ACTR8: variants seen among roughly 807,000 people sequenced by gnomAD.
The protein encoded by ACTR8 is actin-related protein 8.
ACTR8 carries 70 observed loss-of-function variants against 84.3 expected under a neutral mutation model. The ratio of observed to expected loss-of-function variants is 0.83; its 90% CI spans 0.68 to 1.01. The LOEUF (loss-of-function observed/expected upper bound fraction) is 1.01. Among genes scored for constraint, ACTR8 ranks in the 50% least tolerant of loss-of-function variants. The pLI, the probability that ACTR8 is intolerant of heterozygous loss-of-function variation, is 0.00. For synonymous variants in ACTR8, 268 were observed against 275.2 expected, an observed-to-expected ratio of 0.97 and a Z score of 0.26; for missense variants, 672 against 775.4, an observed-to-expected ratio of 0.87 and a Z score of 1.58.
At chr3:53,859,941 C>G in the ACTR8 span, 1 of 474,722 alleles carries the variant, frequency 2.1e-6, no homozygotes, top group African/African-American at 1.9e-5. Flanking sequence ...ACCCGGGAGA[C>G]GGAGGCTGCA....
In ACTR8 at chr3:53,877,308, G is replaced by A; in HGVS notation, c.590C>T (p.Pro197Leu). 4 of 1,614,052 alleles carry A rather than the reference G, an allele frequency of 2.5e-6. No individual in the cohort carries two copies. Among genetic ancestry groups the A allele is most frequent in the Non-Finnish European group, 3.4e-6 (4 of 1,179,944 alleles). Residue 197 changes from proline to leucine, a missense_variant, in exon 5 of 13, where the codon CCT becomes CTT. Coordinates refer to ENST00000335754, the MANE Select transcript of ACTR8 (RefSeq NM_022899.5). ...RRGQLNIHPG[P>L]GGSLTAVLAD... ...CAGAACAGCTGTAAGAGAGCCCCCA[G>A]GGCCTGGGTGAATATTTAACTGACC...
At chr3:53,874,068 C>G (rs1289556699) in intron 8 of ACTR8, 143 bp downstream of exon 8, 1 of 688,124 alleles carries the variant, frequency 1.5e-6, no homozygotes, top group African/African-American at 1.9e-5. Flanking sequence ...TCATGATCCA[C>G]CCACCTCGGC....
intron 10 of ACTR8, 43 bp downstream of exon 10, chr3:53,872,340 TC>T: frequency 6.6e-7 from 1 of 1,515,014 alleles, no homozygotes; most frequent in Non-Finnish European, 8.8e-7. Flanking sequence ...AATTTCTCCT[TC>T]AGGGACAAAA....
rs549943121 is a variant in ACTR8, at chr3:53,875,327, G to A, written c.911+621C>T. Among the ~76,000 whole-genome samples, 12 of 152,290 alleles carry A rather than the reference G, an allele frequency of 7.9e-5. No homozygotes were observed. The East Asian group carries it at 2.3e-3, about 29-fold the overall frequency. ...AATGTGGAGGACGGGAAGAATGAAAGCATCCTGAGGGGCAGCAAGAAGCCA... is the reference window on the plus strand; with the variant it reads ...AATGTGGAGGACGGGAAGAATGAAAACATCCTGAGGGGCAGCAAGAAGCCA... On this transcript the variant is annotated intron_variant, in intron 7 of 12. Coordinates refer to ENST00000335754, the MANE Select transcript of ACTR8 (RefSeq NM_022899.5).
intron 1 of ACTR8, 27 bp from the exon 2 acceptor site, chr3:53,880,136 A>G: frequency 6.3e-7 from 1 of 1,598,342 alleles, no homozygotes; most frequent in East Asian, 2.2e-5. Flanking sequence ...TAGATGTGTG[A>G]CTTTGTAAAT....
intron 4 of ACTR8, 115 bp downstream of exon 4, chr3:53,877,532 C>A: frequency 7.6e-7 from 1 of 1,312,938 alleles, no homozygotes; most frequent in South Asian, 1.4e-5. Context: ...ATCTGGTACT[C>A]AAAGCAGGGT....
In ACTR8 at chr3:53,877,213, C is replaced by G. The variant is rs1462039524; in HGVS notation, c.684+1G>C. The G allele has an allele frequency of 6.3e-7, 1 of 1,599,204 alleles. No individual in the cohort carries two copies. The highest frequency in any genetic ancestry group is 8.5e-7 in the Non-Finnish European group (1 of 1,174,578). On this transcript the variant is annotated splice_donor_variant, in intron 5 of 12. Coordinates refer to ENST00000335754, the MANE Select transcript of ACTR8 (RefSeq NM_022899.5). LOFTEE classifies it high-confidence loss of function. ...CCAAATAACTGAGGATTTTAGCTCACCTTTAAATCTTTCAGTGGGATTTCC... is the reference window on the plus strand; with the variant it reads ...CCAAATAACTGAGGATTTTAGCTCAGCTTTAAATCTTTCAGTGGGATTTCC...
the ACTR8 span, chr3:53,860,329 C>T: frequency 2.2e-6 from 2 of 904,678 alleles, no homozygotes; most frequent in Non-Finnish European, 3.5e-6. Context: ...GTTGGCGTTT[C>T]CCAGAGTTAG....
chr3:53,871,831 A>G (rs1699887500), intron 10 of ACTR8, among the ~76,000 whole-genome samples: 1 of 152,188 alleles, frequency 6.6e-6, no homozygotes, highest in Non-Finnish European at 1.5e-5. Context: ...AGTGGGATTC[A>G]TGGGCCATGA....
At chr3:53,863,463 A>C (rs1699643765), downstream of ACTR8, among the ~76,000 whole-genome samples, 1 of 152,212 alleles carries the variant, frequency 6.6e-6, no homozygotes, top group Admixed American at 6.5e-5. Context: ...GTCATTTGTG[A>C]TGTTGTAAAT....
Position 53,869,963 on chromosome 3 carries a change from G to C in ACTR8, c.1731+19C>G. The C allele has an allele frequency of 6.2e-7, 1 of 1,613,026 alleles. No homozygotes were observed. The highest frequency in any genetic ancestry group is 1.7e-4 in the Middle Eastern group (1 of 6,058). ...GTTTCATTTGCATACAGTCCAACTT[G>C]CACAATGAAACAACCTACCTTAGGC... On this transcript the variant is annotated intron_variant, in intron 12 of 12. Coordinates refer to ENST00000335754, the MANE Select transcript of ACTR8 (RefSeq NM_022899.5).
rs1464812002 is a variant in ACTR8 at position 53,867,660 on chromosome 3, A to T, written c.*1059T>A. On this transcript the variant is annotated 3_prime_UTR_variant, in exon 13 of 13. Transcript: ENST00000335754. ...CTAGAAGCAAGCAGCAGGAAGCAGC[A>T]TTTTCCCACTCCTCCCAGAGCTCTG... 1.3e-5 allele frequency: 2 copies of T among 152,144 alleles called. No homozygotes were observed. The highest frequency in any genetic ancestry group is 1.3e-4 in the Admixed American group (2 of 15,266). 9.4% of individuals were successfully genotyped at this position (152,144 alleles called of 1,614,324 possible).
intron 7 of ACTR8, 113 bp downstream of exon 7, chr3:53,875,835 C>T: frequency 6.7e-7 from 1 of 1,483,284 alleles, no homozygotes. Context: ...ACCATGCAGA[C>T]TTTTGAATTT....
rs574061351 is a variant in ACTR8 at position 53,869,138 on chromosome 3, A to G, written c.1732-276T>C. 2.0e-5 allele frequency among the ~76,000 whole-genome samples: 3 copies of G among 152,248 alleles called. No homozygotes were observed. The East Asian group carries it at 5.8e-4, about 29-fold the overall frequency. Reference sequence around the variant, plus strand: ...CTACTAAAAATACAAAAAATTAGCCAGGCGTGGTGGCAGGCACCTGTAGTC... The same window carrying G: ...CTACTAAAAATACAAAAAATTAGCCGGGCGTGGTGGCAGGCACCTGTAGTC... On this transcript the variant is annotated intron_variant, in intron 12 of 12. Transcript: ENST00000335754.
chr3:53,871,527 GTAT>G, intron 10 of ACTR8, 31 bp from the exon 11 acceptor site: 4 of 1,610,682 alleles, frequency 2.5e-6, no homozygotes, highest in Non-Finnish European at 3.4e-6. Context: ...CAAGTATGTG[GTAT>G]TACAACAACA....
chr3:53,859,974 C>A, the ACTR8 span: 161 of 552,864 alleles, frequency 2.9e-4, 3 homozygotes, highest in South Asian at 4.0e-3. Context: ...TGCGCCACTG[C>A]ACTCCAGCCT....
chr3:53,880,613 C>T (rs958996394), intron 1 of ACTR8, among the ~76,000 whole-genome samples: 4 of 152,156 alleles, frequency 2.6e-5, no homozygotes, highest in African/African-American at 9.7e-5. Flanking sequence ...CAACGTGATC[C>T]ACTGCCTTCA....
chr3:53,866,205 G>A (rs1225000226), downstream of ACTR8, among the ~76,000 whole-genome samples: 4 of 152,180 alleles, frequency 2.6e-5, no homozygotes, highest in Admixed American at 6.5e-5. Context: ...CACAAAGCGA[G>A]ACCTCCATCT....
chr3:53,866,912 G>A (rs1244543110), downstream of ACTR8, among the ~76,000 whole-genome samples: 3 of 152,200 alleles, frequency 2.0e-5, no homozygotes, highest in African/African-American at 7.2e-5. Flanking sequence ...TCAGATGGAT[G>A]ACTATTAAAA....
Sources: gnomAD v4.1 joint callset for allele counts (sites outside exome capture counted in the v4.1 genomes callset) on GRCh38, gnomAD v4.1.1 for gene constraint, MANE v1.5 for transcripts, NCBI Gene and HGNC (gene_info 2026-07-23, HGNC 2026-07-21) for gene names.